The following SLC30A10 variants were observed in gnomAD, a reference collection of about 807,000 sequenced individuals.
SLC30A10 encodes calcium/manganese antiporter SLC30A10.
A neutral mutation model predicts 21.7 loss-of-function variants in SLC30A10; 8 were observed. The observed-to-expected ratio is 0.37, with a 90% CI of 0.22 to 0.67. The LOEUF (loss-of-function observed/expected upper bound fraction) is 0.67. Ranked by LOEUF, SLC30A10 falls within the 30% of genes least tolerant of loss-of-function variation. The pLI, the probability that SLC30A10 is intolerant of heterozygous loss-of-function variation, is 0.58. For synonymous variants in SLC30A10, 272 were observed against 279.4 expected (o/e 0.97, Z 0.26); for missense variants, 521 against 642.5 (o/e 0.81, Z 2.04).
intron 1 of SLC30A10, among the ~76,000 whole-genome samples, chr1:219,956,742 T>C (rs539104258): frequency 1.7e-4 from 26 of 151,798 alleles, no homozygotes; most frequent in African/African-American, 6.3e-4. Context: ...CCTCTTGTTA[T>C]CTCAGCATGA....
chr1:219,923,662 A>T (rs1248523333), intron 2 of SLC30A10, among the ~76,000 whole-genome samples: 1 of 152,214 alleles, frequency 6.6e-6, no homozygotes, highest in Non-Finnish European at 1.5e-5. Flanking sequence ...ATCATGTTTG[A>T]TCCTATTAAA....
Position 219,928,482 on chromosome 1 carries a change from G to T in SLC30A10, c.-42C>A. 1 of 1,492,272 alleles carries T rather than the reference G, an allele frequency of 6.7e-7. No homozygotes were observed. Among genetic ancestry groups the T allele is most frequent in the South Asian group, 1.3e-5 (1 of 74,150 alleles). The allele number at this position is 1,492,272 out of a possible 1,614,324, so 92.4% of individuals were successfully genotyped here. On this transcript the variant is annotated 5_prime_UTR_variant, in exon 1 of 4. Coordinates refer to ENST00000366926, the MANE Select transcript of SLC30A10 (RefSeq NM_018713.3). This position sits in a 1 kb window ranked among gnomAD's most constrained non-coding sequence, Gnocchi z 6.3. ...GGCGCCCGGCGCCGCCCAGGGGAGC[G>T]CAGCCCACCCCGCGCGCAGCCACAG... is the stretch of plus-strand genomic sequence containing the variant.
intron 1 of SLC30A10, among the ~76,000 whole-genome samples, chr1:219,945,638 G>A (rs1660177102): frequency 1.3e-5 from 2 of 152,298 alleles, no homozygotes; most frequent in East Asian, 3.9e-4. Flanking sequence ...TGCAGAAGGA[G>A]AAAGTACAAG....
intron 1 of SLC30A10, among the ~76,000 whole-genome samples, chr1:219,947,384 T>C (rs926628747): frequency 2.0e-5 from 3 of 151,792 alleles, no homozygotes; most frequent in African/African-American, 7.3e-5. Context: ...TGAAAAATAA[T>C]GGTTGGGTAT....
chr1:219,937,842 C>A (rs951572745), intron 1 of SLC30A10, among the ~76,000 whole-genome samples: 3 of 152,166 alleles, frequency 2.0e-5, no homozygotes, highest in Admixed American at 2.0e-4. Flanking sequence ...TAATCAATTT[C>A]TCCACCCTGT....
Position 219,927,907 on chromosome 1 carries a change from G to C in SLC30A10, c.534C>G (p.Arg178=). 1 of 1,537,964 alleles carries C rather than the reference G, an allele frequency of 6.5e-7. No individual in the cohort carries two copies. Among genetic ancestry groups the C allele is most frequent in the Non-Finnish European group, 8.8e-7 (1 of 1,142,268 alleles). ...AGCCTGGGGCTGTCGGGTCCGCCGC[G>C]CGCCGCGGGTCCTCCGCGCCCTGAG... The part of the protein sequence containing the change: ...GGPQGAEDPR[R]AADPTAPGSD... The change falls in exon 1 of 4, where the codon CGC becomes CGG. Residue 178 remains arginine, a synonymous_variant. Transcript: ENST00000366926.
In SLC30A10 at chr1:219,918,456, C is replaced by T. The variant is rs550245711; in HGVS notation, c.757G>A (p.Val253Met). The change falls in exon 3 of 4, where the codon GTG (valine) becomes ATG (methionine). Residue 253 changes from valine (V) to methionine (M), a missense_variant. Transcript: ENST00000366926. This position sits in a 1 kb window ranked among gnomAD's most constrained non-coding sequence, Gnocchi z 4.4. ...ATGATGGCCGTGATGACCACAACCA[C>T]GGACCCCAGGGCATCTCCCATCACA... ...LHVMGDALGS[V>M]VVVITAIIFY... is the part of the protein sequence containing the mutation. 208 of 1,612,310 alleles carry T rather than the reference C, an allele frequency of 1.3e-4. 2 individuals carry two copies. The highest frequency in any genetic ancestry group is 1.2e-3 in the South Asian group (113 of 90,928).
At chr1:219,929,525 C>CTT (rs11382012), upstream of SLC30A10, among the ~76,000 whole-genome samples, 53 of 147,922 alleles carry the variant, frequency 3.6e-4, no homozygotes, top group East Asian at 1.2e-3. Context: ...AATAAAGACT[C>CTT]TTTTTTTTTT....
At position 219,927,988 on chromosome 1, in the gene SLC30A10, G is replaced by C; in HGVS notation, c.453C>G (p.Arg151=). Residue 151 remains arginine, a synonymous_variant, in exon 1 of 4, where the codon CGC becomes CGG. Coordinates refer to ENST00000366926, the MANE Select transcript of SLC30A10 (RefSeq NM_018713.3). ...FACCLRGRSR[R]LQQRQQLAEG... is the part of the protein sequence containing the mutation. ...CCGCCAGCTGCTGCCGCTGCTGCAG[G>C]CGGCGACTGCGTCCCCGGAGGCAGC... The C allele has an allele frequency of 6.4e-7, 1 of 1,552,818 alleles. No homozygotes were observed. Among genetic ancestry groups the C allele is most frequent in the Non-Finnish European group, 8.7e-7 (1 of 1,149,274 alleles).
At chr1:219,919,501 C>T (rs571784789) in intron 2 of SLC30A10, among the ~76,000 whole-genome samples, 1 of 152,168 alleles carries the variant, frequency 6.6e-6, no homozygotes, top group African/African-American at 2.4e-5. Flanking sequence ...TGAGTCTGGG[C>T]GTGGTGGCTC....
At chr1:219,954,946 G>C (rs1395293373) in intron 1 of SLC30A10, among the ~76,000 whole-genome samples, 1 of 152,080 alleles carries the variant, frequency 6.6e-6, no homozygotes, top group Non-Finnish European at 1.5e-5. Flanking sequence ...TACAAGGCAA[G>C]GGCATGGAGG....
chr1:219,927,206 C>G, intron 1 of SLC30A10, 101 bp from the exon 2 acceptor site: 3 of 1,277,066 alleles, frequency 2.3e-6, no homozygotes, highest in Non-Finnish European at 3.3e-6. Flanking sequence ...TAAATTTCTA[C>G]TAGCTTAAGG....
rs1558252012 is a variant in SLC30A10 at position 219,922,172 on chromosome 1, GTGTGTTTTTTTTTTTTTTTTTTTTTTTTT to G, written c.719-3707_719-3679del. On this transcript the variant is annotated intron_variant, in intron 2 of 3. Transcript: ENST00000366926. ...TACCTTCTTGTTTGTGTGTGTGTGT[GTGTGTTTTTTTTTTTTTTTTTTTTTTTTT>G]TTTTTTTTTTTTTTTTTTTTTTTTT... is the stretch of plus-strand genomic sequence containing the variant. 1.5e-4 allele frequency among the ~76,000 whole-genome samples: 7 copies of G among 46,114 alleles called. 1 individual carries two copies. The highest frequency in any genetic ancestry group is 7.2e-4 in the African/African-American group (6 of 8,282). The allele number at this position is 46,114 out of a possible 152,430, so 30.3% of individuals were successfully genotyped here.
intron 1 of SLC30A10, among the ~76,000 whole-genome samples, chr1:219,942,361 C>T (rs1172564449): frequency 6.6e-6 from 1 of 152,094 alleles, no homozygotes; most frequent in East Asian, 1.9e-4. Flanking sequence ...GAGAGTTGGA[C>T]CAGAGATCCC....
At chr1:219,934,767 G>C (rs912932639) in intron 1 of SLC30A10, among the ~76,000 whole-genome samples, 7 of 152,168 alleles carry the variant, frequency 4.6e-5, no homozygotes, top group Non-Finnish European at 7.3e-5. Context: ...TGGGCTATTA[G>C]ATTCATTTGA....
At chr1:219,939,877 G>A (rs1660098424) in intron 1 of SLC30A10, among the ~76,000 whole-genome samples, 1 of 152,218 alleles carries the variant, frequency 6.6e-6, no homozygotes, top group Admixed American at 6.5e-5. Flanking sequence ...CGCATGGACT[G>A]AGATTTTAGG....
chr1:219,930,533 C>G (rs1209928657), upstream of SLC30A10, among the ~76,000 whole-genome samples: 1 of 152,140 alleles, frequency 6.6e-6, no homozygotes, highest in African/African-American at 2.4e-5. Context: ...TTGTCCTTAG[C>G]CTTGTAAAAC....
intron 1 of SLC30A10, among the ~76,000 whole-genome samples, chr1:219,949,187 A>T (rs1171060868): frequency 1.3e-5 from 2 of 152,230 alleles, no homozygotes; most frequent in Admixed American, 1.3e-4. Flanking sequence ...ACCCTTGTGG[A>T]AGTCAGCATG....
At chr1:219,935,236 G>A (rs1312661090) in intron 1 of SLC30A10, among the ~76,000 whole-genome samples, 1 of 152,174 alleles carries the variant, frequency 6.6e-6, no homozygotes, top group East Asian at 1.9e-4. Flanking sequence ...GTGTTATTTT[G>A]TAAGTTACAA....
Sources: allele counts gnomAD v4.1 joint callset (sites outside exome capture counted in the v4.1 genomes callset), GRCh38; gene constraint gnomAD v4.1.1; non-coding constraint Gnocchi (gnomAD v3.1); transcripts MANE v1.5; gene names NCBI Gene and HGNC (gene_info 2026-07-23, HGNC 2026-07-21).